The following NAV2 variants were observed in gnomAD, a reference collection of about 807,000 sequenced individuals.
The protein encoded by NAV2 is helicase, APC down-regulated 1.
A neutral mutation model predicts 223.2 loss-of-function variants in NAV2; 54 were observed. The ratio of observed to expected loss-of-function variants is 0.24; its 90% CI spans 0.19 to 0.30. The LOEUF (loss-of-function observed/expected upper bound fraction) is 0.30, where lower values mean the gene tolerates loss of function less well. NAV2 is among the 10% of genes least tolerant of loss of function. NAV2 has a pLI of 1.00. For synonymous variants in NAV2, 1,279 were observed against 1,239.3 expected (o/e 1.03, Z -0.67); for missense variants, 2,806 against 3,147.5 (o/e 0.89, Z 2.60).
chr11:19,539,632 G>A (rs1332224156), intron 1 of NAV2, among the ~76,000 whole-genome samples: 1 of 152,120 alleles, frequency 6.6e-6, no homozygotes, highest in East Asian at 1.9e-4. Flanking sequence ...TTTCTTAGGG[G>A]ATGGGAGCAA....
At chr11:19,937,669 C>T (rs1255523718) in intron 7 of NAV2, among the ~76,000 whole-genome samples, 2 of 152,116 alleles carry the variant, frequency 1.3e-5, no homozygotes, top group Non-Finnish European at 2.9e-5. Context: ...TGGAGCTAGT[C>T]GAATATTTAG....
At position 19,361,690 on chromosome 11, in the gene NAV2, C is replaced by T. The variant is rs183320095; in HGVS notation, c.75+10663C>T. ...TGTGTGAGCTCTCTTTTCTGGTGGCCGTCAATCACTGGCAGGGCCTGCCAT... is the reference window on the plus strand; with the variant it reads ...TGTGTGAGCTCTCTTTTCTGGTGGCTGTCAATCACTGGCAGGGCCTGCCAT... On this transcript the variant is annotated intron_variant, in intron 1 of 37. Coordinates refer to the NAV2 transcript ENST00000360655. Among the ~76,000 whole-genome samples, 57 of 152,088 alleles carry T rather than the reference C, an allele frequency of 3.7e-4. 1 individual carries two copies. Among genetic ancestry groups the T allele is most frequent in the Non-Finnish European group, 1.8e-4 (12 of 67,998 alleles).
At chr11:19,892,687 G>A (rs1012255868) in intron 6 of NAV2, 93 bp downstream of exon 6, 1 of 1,370,454 alleles carries the variant, frequency 7.3e-7, no homozygotes, top group Non-Finnish European at 9.9e-7. Flanking sequence ...TCATGGGGAG[G>A]GGTTGCATCT....
At chr11:19,681,636 C>T (rs1304726739) in intron 1 of NAV2, among the ~76,000 whole-genome samples, 7 of 152,200 alleles carry the variant, frequency 4.6e-5, no homozygotes, top group Admixed American at 4.6e-4. Context: ...CTTGGTCCTC[C>T]ACACCAATAG....
intron 10 of NAV2, among the ~76,000 whole-genome samples, chr11:19,982,833 C>T (rs1334017987): frequency 1.3e-5 from 2 of 152,106 alleles, no homozygotes; most frequent in Non-Finnish European, 2.9e-5. Flanking sequence ...AAAAATATAT[C>T]CTAAAAAGGT....
intron 25 of NAV2, among the ~76,000 whole-genome samples, chr11:20,080,675 AC>A (rs1268342059): frequency 1.3e-5 from 2 of 152,166 alleles, no homozygotes; most frequent in African/African-American, 2.4e-5. Flanking sequence ...CTCTTTGAAA[AC>A]TTTTTGACCA....
chr11:19,932,284 C>G (rs929772982), intron 6 of NAV2, among the ~76,000 whole-genome samples: 31 of 122,690 alleles, frequency 2.5e-4, no homozygotes, highest in South Asian at 8.8e-4. Context: ...AAAAAAAAAG[C>G]TGTTTTTAAG....
intron 1 of NAV2, among the ~76,000 whole-genome samples, chr11:19,422,230 G>T (rs998498532): frequency 2.0e-5 from 3 of 152,158 alleles, no homozygotes; most frequent in Admixed American, 1.3e-4. Context: ...GTGCCAGTCT[G>T]GGGGGCGGGG....
At chr11:19,410,221 T>C (rs1850083410) in intron 1 of NAV2, among the ~76,000 whole-genome samples, 1 of 152,200 alleles carries the variant, frequency 6.6e-6, no homozygotes, top group Non-Finnish European at 1.5e-5. Flanking sequence ...GGTGGCAAAC[T>C]TTTTGTTTCG....
intron 1 of NAV2, among the ~76,000 whole-genome samples, chr11:19,394,383 T>A (rs1849368036): frequency 6.6e-6 from 1 of 152,222 alleles, no homozygotes; most frequent in Admixed American, 6.5e-5. Context: ...TTGTTGGGCA[T>A]TCATTCACTC....
intron 10 of NAV2, among the ~76,000 whole-genome samples, chr11:19,966,422 G>A (rs2048777732): frequency 1.3e-5 from 2 of 152,058 alleles, no homozygotes; most frequent in Non-Finnish European, 2.9e-5. Context: ...GTGCATCATG[G>A]GCCCTCCTTT....
chr11:19,777,093 A>ACCCCCCCC (rs1166485329), intron 1 of NAV2, among the ~76,000 whole-genome samples: 2 of 126,208 alleles, frequency 1.6e-5, no homozygotes, highest in Non-Finnish European at 1.8e-5. Flanking sequence ...CCAGCCGCCG[A>ACCCCCCCC]CCCCCCCCCC....
At chr11:19,699,568 C>T (rs558780522) in intron 1 of NAV2, among the ~76,000 whole-genome samples, 6 of 152,268 alleles carry the variant, frequency 3.9e-5, no homozygotes, top group South Asian at 2.1e-4. Flanking sequence ...TTGGGCACCT[C>T]GTATATTTGG....
chr11:19,644,060 CTGTGTGCG>C lies in NAV2; in HGVS notation c.76-188416_76-188409del, dbSNP rs1035880293. Among the ~76,000 whole-genome samples, 30 of 50,332 alleles carry C rather than the reference CTGTGTGCG, an allele frequency of 6.0e-4. No homozygotes were observed. The East Asian group carries it at 0.016, about 27-fold the overall frequency. The allele number at this position is 50,332 out of a possible 152,430, so 33.0% of individuals were successfully genotyped here. A position where few individuals can be genotyped will look rare whatever the true frequency, so the allele number is the denominator to read the frequency against. On this transcript the variant is annotated intron_variant, in intron 1 of 37. Coordinates refer to the NAV2 transcript ENST00000360655. ...GTATGTGTCTGTGTATGTGATACCTCTGTGTGCGTGTGTGCATGTGCACACACACACAC... is the reference window on the plus strand; with the variant it reads ...GTATGTGTCTGTGTATGTGATACCTCTGTGTGCATGTGCACACACACACAC...
intron 1 of NAV2, among the ~76,000 whole-genome samples, chr11:19,754,870 TG>T (rs1174280454): frequency 1.3e-5 from 2 of 152,206 alleles, no homozygotes; most frequent in East Asian, 3.9e-4. Context: ...TAGCCTACCG[TG>T]GTATGGAGGA....
At chr11:19,368,205 A>G (rs1404643484) in intron 1 of NAV2, among the ~76,000 whole-genome samples, 1 of 152,222 alleles carries the variant, frequency 6.6e-6, no homozygotes, top group African/African-American at 2.4e-5. Flanking sequence ...GTCCAGTAGC[A>G]GGTTCAGAGC....
In NAV2 at chr11:20,095,813, CATCCGGG is replaced by C. The variant is rs1467162398; in HGVS notation, c.6012+47_6012+53del. ...GCTACAGCATACTACCTAACATGGG[CATCCGGG>C]CCTGGGGAGGAAAAGAGAGGTTGAT... On this transcript the variant is annotated intron_variant, in intron 30 of 37. Transcript: ENST00000349880. 5 of 1,400,238 alleles carry C rather than the reference CATCCGGG, an allele frequency of 3.6e-6. No individual in the cohort carries two copies. In the South Asian group the frequency reaches 4.6e-5, roughly 13 times the overall value. The allele number at this position is 1,400,238 out of a possible 1,614,324, so 86.7% of individuals were successfully genotyped here. A position where few individuals can be genotyped will look rare whatever the true frequency, so the allele number is the denominator to read the frequency against.
intron 5 of NAV2, among the ~76,000 whole-genome samples, chr11:19,883,910 A>C (rs1367047534): frequency 6.6e-6 from 1 of 152,206 alleles, no homozygotes. Flanking sequence ...TCATCTGAAA[A>C]GCACCCCAGT....
At chr11:19,444,941 A>G (rs965804389) in intron 1 of NAV2, among the ~76,000 whole-genome samples, 4 of 152,180 alleles carry the variant, frequency 2.6e-5, no homozygotes, top group African/African-American at 9.7e-5. Context: ...AGAAATCTAT[A>G]TGAAGAATAG....
Sources: allele counts gnomAD v4.1 joint callset (sites outside exome capture counted in the v4.1 genomes callset), GRCh38; gene constraint gnomAD v4.1.1; transcripts MANE v1.5; gene names NCBI Gene and HGNC (gene_info 2026-07-23, HGNC 2026-07-21).